NISCH: variants seen among roughly 807,000 people sequenced by gnomAD.
The protein encoded by NISCH is nischarin.
Under a neutral mutation model 138.4 loss-of-function variants are expected in NISCH, and 55 were observed. That is an observed-to-expected ratio of 0.40 (90% confidence interval 0.32 to 0.50). NISCH has a LOEUF of 0.50. NISCH is among the 20% of genes least tolerant of loss of function. The pLI is 0.71. For missense variants in NISCH, 1,643 were observed against 2,005.5 expected (o/e 0.82, Z 3.45); for synonymous variants, 860 against 861.5 (o/e 1.00, Z 0.03).
intron 6 of NISCH, 37 bp downstream of exon 6, chr3:52,472,435 A>C: frequency 6.5e-7 from 1 of 1,534,416 alleles, no homozygotes; most frequent in Non-Finnish European, 9.0e-7. Context: ...TCTCGCTCCC[A>C]ACTCAGAGGC....
Position 52,487,504 on chromosome 3 carries a change from GGGAGGAAGAGGA to G in NISCH, c.2028_2039del (p.Glu676_Glu679del), listed in dbSNP as rs564360145. On this transcript the variant is annotated inframe_deletion, in exon 16 of 21. Coordinates refer to ENST00000345716, the MANE Select transcript of NISCH (RefSeq NM_007184.4). The surrounding 1 kb of genome is among the most constrained non-coding windows in gnomAD (Gnocchi z 9.1). ...GAGGAGGAGGAGGGAGGAGGCCAGG[GGGAGGAAGAGGA>G]GGAGGAAGAGGAGGATGAAGAGGCC... 3,329 of 1,603,648 alleles carry G rather than the reference GGGAGGAAGAGGA, an allele frequency of 2.1e-3. 8 individuals are homozygous for G. The highest frequency in any genetic ancestry group is 2.3e-3 in the Non-Finnish European group (2,643 of 1,173,066).
At chr3:52,480,997 A>G in intron 13 of NISCH, 2 of 1,430,460 alleles carry the variant, frequency 1.4e-6, no homozygotes, top group Admixed American at 2.6e-5. Flanking sequence ...ACACGCAGGA[A>G]AGGACGCCGC....
At position 52,492,905 on chromosome 3, in the gene NISCH, C is replaced by T. The variant is rs894749776; in HGVS notation, c.*423C>T. 1 of 213,816 alleles carries T rather than the reference C, an allele frequency of 4.7e-6. No homozygotes were observed. Among genetic ancestry groups the T allele is most frequent in the South Asian group, 8.4e-5 (1 of 11,960 alleles). 13.2% of individuals were successfully genotyped at this position (213,816 alleles called of 1,614,324 possible). ...TAATCCTGAGGCTGGTAGCAGAATG[C>T]ACATTGGAAGCTCCCACCCCATATT... On this transcript the variant is annotated 3_prime_UTR_variant, in exon 21 of 21. Transcript: ENST00000345716.
At position 52,476,604 on chromosome 3, in the gene NISCH, G is replaced by A. The variant is rs759665512; in HGVS notation, c.918+5G>A. 3 of 1,613,854 alleles carry A rather than the reference G, an allele frequency of 1.9e-6. No individual in the cohort carries two copies. ...TCCGAGATCGACGAGTCTGTGGTAT[G>A]CTCTCAGCAGCAGGTGCCAGGGGTT... On this transcript the variant is annotated splice_donor_5th_base_variant and intron_variant, in intron 8 of 20. Coordinates refer to ENST00000345716, the MANE Select transcript of NISCH (RefSeq NM_007184.4).
chr3:52,488,722 C>G (rs556716641), intron 16 of NISCH, 117 bp downstream of exon 16: 7 of 877,792 alleles, frequency 8.0e-6, no homozygotes, highest in African/African-American at 1.7e-5. Context: ...CCCCCTCCCC[C>G]CCTGCCCCTC....
chr3:52,488,574 G>C lies in NISCH; in HGVS notation c.3082G>C (p.Ala1028Pro), dbSNP rs1707474133. The C allele has an allele frequency of 6.2e-7, 1 of 1,611,870 alleles. No homozygotes were observed. ...GGGAGGCAGCCCCCAGGGCTCCTTT[G>C]CGGATGGCCAGCCTGCCGAGCGCAG... ...GTGGSPQGSF[A>P]DGQPAERRAS... The change falls in exon 16 of 21, where the codon GCG becomes CCG. Residue 1028 changes from alanine to proline, a missense_variant. By Grantham distance (27) the Ala-to-Pro change is conservative. Transcript: ENST00000345716.
intron 13 of NISCH, chr3:52,480,978 A>C: frequency 6.8e-7 from 1 of 1,469,262 alleles, no homozygotes; most frequent in Non-Finnish European, 9.0e-7. Context: ...AGTGGAGCCG[A>C]GGCTCGGGAC....
At chr3:52,472,013 C>T in intron 5 of NISCH, 36 bp downstream of exon 5, 1 of 1,543,194 alleles carries the variant, frequency 6.5e-7, no homozygotes, top group Non-Finnish European at 8.8e-7. Flanking sequence ...GAGAGCCCCG[C>T]AGTCGGTGGG....
At chr3:52,461,332 G>A (rs1706626632) in intron 3 of NISCH, among the ~76,000 whole-genome samples, 1 of 152,212 alleles carries the variant, frequency 6.6e-6, no homozygotes, top group African/African-American at 2.4e-5. Flanking sequence ...TAGAAATTTG[G>A]TGGCGAGTGC....
At chr3:52,471,714 T>G (rs1392587607) in intron 4 of NISCH, 100 bp from the exon 5 acceptor site, 1 of 1,422,734 alleles carries the variant, frequency 7.0e-7, no homozygotes, top group East Asian at 2.3e-5. Context: ...ACACAGTGGG[T>G]GCTTGCCAAC....
At chr3:52,488,716 C>T in intron 16 of NISCH, 111 bp downstream of exon 16, 1 of 957,528 alleles carries the variant, frequency 1.0e-6, no homozygotes, top group East Asian at 2.6e-5. Context: ...GCTGGGCCCC[C>T]TCCCCCCCTG....
rs1176865068 is a variant in NISCH, at chr3:52,476,605, CT to C, written c.918+7del. The C allele has an allele frequency of 6.2e-7, 1 of 1,613,942 alleles. No homozygotes were observed. The highest frequency in any genetic ancestry group is 8.5e-7 in the Non-Finnish European group (1 of 1,179,838). Reference sequence around the variant, plus strand: ...CCGAGATCGACGAGTCTGTGGTATGCTCTCAGCAGCAGGTGCCAGGGGTTTC... The same window carrying C: ...CCGAGATCGACGAGTCTGTGGTATGCCTCAGCAGCAGGTGCCAGGGGTTTC... On this transcript the variant is annotated splice_region_variant and intron_variant, in intron 8 of 20. Transcript: ENST00000345716.
rs1481944964 is a variant in NISCH at position 52,487,949 on chromosome 3, G to C, written c.2457G>C (p.Leu819=). 6.2e-7 allele frequency: 1 copy of C among 1,611,854 alleles called. No individual in the cohort carries two copies. Among genetic ancestry groups the C allele is most frequent in the Non-Finnish European group, 8.5e-7 (1 of 1,179,978 alleles). Residue 819 remains leucine (L), a synonymous_variant, in exon 16 of 21, where the codon CTG becomes CTC. Transcript: ENST00000345716. This position sits in a 1 kb window ranked among gnomAD's most constrained non-coding sequence, Gnocchi z 9.1. The part of the protein sequence containing the change: ...SCFAPQHMAM[L]CSPILYGSHT... ...TTGCACCCCAGCACATGGCCATGCT[G>C]TGTAGCCCCATCCTCTACGGCAGCC...
intron 3 of NISCH, among the ~76,000 whole-genome samples, chr3:52,466,563 C>CAA (rs56199620): frequency 8.2e-6 from 1 of 122,650 alleles, no homozygotes; most frequent in Admixed American, 8.7e-5. Flanking sequence ...GACTCCATCT[C>CAA]AAAAAAAAAA....
intron 4 of NISCH, 74 bp downstream of exon 4, chr3:52,470,981 G>A: frequency 6.6e-7 from 1 of 1,514,386 alleles, no homozygotes; most frequent in Non-Finnish European, 9.2e-7. Flanking sequence ...GGCACAGGAT[G>A]GCATAGAAGT....
At chr3:52,469,182 T>C (rs999038399) in intron 3 of NISCH, among the ~76,000 whole-genome samples, 2 of 152,066 alleles carry the variant, frequency 1.3e-5, no homozygotes, top group African/African-American at 4.8e-5. Context: ...CTGTGAGTTA[T>C]GAGGATTATG....
Position 52,491,740 on chromosome 3 carries a change from G to T in NISCH, c.3905-132G>T. 3.9e-6 allele frequency: 5 copies of T among 1,267,636 alleles called. No homozygotes were observed. In the South Asian group the frequency reaches 5.8e-5, roughly 15 times the overall value. The allele number at this position is 1,267,636 out of a possible 1,614,324, so 78.5% of individuals were successfully genotyped here. ...TGCCTGCTTTGGGCTCCTGGCCTGT[G>T]GGCCCCACACTTGGAGCATCCTCTC... On this transcript the variant is annotated intron_variant, in intron 20 of 20. Transcript: ENST00000345716.
chr3:52,458,551 G>A, intron 2 of NISCH, 111 bp from the exon 3 acceptor site: 1 of 848,634 alleles, frequency 1.2e-6, no homozygotes, highest in Non-Finnish European at 1.9e-6. Flanking sequence ...ACTACTGCAG[G>A]GAGGGGCTGT....
chr3:52,482,279 G>A (rs1183198402), intron 13 of NISCH, among the ~76,000 whole-genome samples: 1 of 152,200 alleles, frequency 6.6e-6, no homozygotes, highest in Admixed American at 6.5e-5. Flanking sequence ...AAGGGAGCCT[G>A]CTTGCGAAGG....
Sources: gnomAD v4.1 joint callset for allele counts (sites outside exome capture counted in the v4.1 genomes callset) on GRCh38, gnomAD v4.1.1 for gene constraint, Gnocchi (gnomAD v3.1) non-coding constraint, MANE v1.5 for transcripts, NCBI Gene and HGNC (gene_info 2026-07-23, HGNC 2026-07-21) for gene names.